Variants in ZSWIM6 observed in about 807,000 individuals in gnomAD.
ZSWIM6 encodes zinc finger SWIM domain-containing protein 6.
A neutral mutation model predicts 113.2 loss-of-function variants in ZSWIM6; 9 were observed. The observed-to-expected ratio is 0.08, with a 90% confidence interval of 0.05 to 0.14. The LOEUF (loss-of-function observed/expected upper bound fraction) is 0.14. ZSWIM6 is among the 10% of genes least tolerant of loss of function. The pLI is 1.00. For missense variants in ZSWIM6, 1,162 were observed against 1,552.2 expected, an observed-to-expected ratio of 0.75 and a Z score of 4.22; for synonymous variants, 611 against 606.5, an observed-to-expected ratio of 1.01 and a Z score of -0.11.
At chr5:61,513,021 G>A (rs1157777475) in intron 4 of ZSWIM6, among the ~76,000 whole-genome samples, 5 of 151,834 alleles carry the variant, frequency 3.3e-5, no homozygotes, top group African/African-American at 7.3e-5. Context: ...TTGGTGGTAC[G>A]CATTTGATGG....
chr5:61,478,218 G>A (rs1747758132), intron 2 of ZSWIM6, among the ~76,000 whole-genome samples: 1 of 152,126 alleles, frequency 6.6e-6, no homozygotes, highest in Admixed American at 6.6e-5. Context: ...AGTTAAAGTT[G>A]CTTTCACTAT....
chr5:61,379,413 C>T (rs140400492), intron 1 of ZSWIM6, among the ~76,000 whole-genome samples: 110 of 152,010 alleles, frequency 7.2e-4, no homozygotes, highest in African/African-American at 2.4e-3. Flanking sequence ...ATTGTCTAAA[C>T]GATTGCACTG....
chr5:61,410,686 C>T (rs149003232), intron 1 of ZSWIM6, among the ~76,000 whole-genome samples: 4 of 152,140 alleles, frequency 2.6e-5, no homozygotes, highest in African/African-American at 9.7e-5. Context: ...GTTGATAGTA[C>T]ACTTCATGCA....
Position 61,500,289 on chromosome 5 carries a change from G to T in ZSWIM6, c.1333+5879G>T, listed in dbSNP as rs1049312919. On this transcript the variant is annotated intron_variant, in intron 4 of 13. Transcript: ENST00000252744. Reference sequence around the variant, plus strand: ...CTACAGGCGCTGGTTGCCACACCTGGCTAATTTTTTGTATTTTTAGTAGAG... The same window carrying T: ...CTACAGGCGCTGGTTGCCACACCTGTCTAATTTTTTGTATTTTTAGTAGAG... Among the ~76,000 whole-genome samples, 13 of 151,942 alleles carry T rather than the reference G, an allele frequency of 8.6e-5. No individual in the cohort carries two copies. In the South Asian group the frequency reaches 1.0e-3, roughly 12 times the overall value.
In ZSWIM6 at chr5:61,538,823, A is replaced by G; in HGVS notation, c.2391A>G (p.Val797=). The change falls in exon 11 of 14, where the codon GTA becomes GTG. Residue 797 remains valine (V), a synonymous_variant. Transcript: ENST00000252744. ...KIALRAMRLL[V]LESTAPSGDL... ...TGTCTTCTCATTATAGGTTACTAGT[A>G]TTGGAATCTACTGCTCCATCAGGAG... 1 of 1,551,506 alleles carries G rather than the reference A, an allele frequency of 6.4e-7. No individual in the cohort carries two copies. The highest frequency in any genetic ancestry group is 8.7e-7 in the Non-Finnish European group (1 of 1,146,712).
intron 4 of ZSWIM6, among the ~76,000 whole-genome samples, chr5:61,516,211 T>G (rs1748935935): frequency 6.6e-6 from 1 of 151,346 alleles, no homozygotes; most frequent in South Asian, 2.1e-4. Context: ...TCATTTGTTT[T>G]TTGTTTATCC....
chr5:61,431,255 C>T (rs1746573308), intron 1 of ZSWIM6, among the ~76,000 whole-genome samples: 1 of 151,422 alleles, frequency 6.6e-6, no homozygotes. Context: ...TGCCTGTAGT[C>T]CCAGCTACTC....
chr5:61,415,666 TG>T (rs1341895364), intron 1 of ZSWIM6, among the ~76,000 whole-genome samples: 1 of 151,734 alleles, frequency 6.6e-6, no homozygotes, highest in Non-Finnish European at 1.5e-5. Context: ...ACATGGGGAC[TG>T]ATTGGCCATA....
chr5:61,545,810 T>C lies in ZSWIM6; in HGVS notation c.*1493T>C, dbSNP rs1749873074. ...TTAAATACCAACTTTGGTTACAGTA[T>C]AGTGTCTTTACTTTAGCTGATGGTT... On this transcript the variant is annotated 3_prime_UTR_variant, in exon 14 of 14. Coordinates refer to ENST00000252744, the MANE Select transcript of ZSWIM6 (RefSeq NM_020928.2). 6.6e-6 allele frequency: 1 copy of C among 152,178 alleles called. No individual in the cohort carries two copies. Among genetic ancestry groups the C allele is most frequent in the Admixed American group, 6.5e-5 (1 of 15,276 alleles). The allele number at this position is 152,178 out of a possible 1,614,324, so 9.4% of individuals were successfully genotyped here.
chr5:61,420,978 G>A (rs140172283), intron 1 of ZSWIM6, among the ~76,000 whole-genome samples: 2,481 of 151,566 alleles, frequency 0.016, 51 homozygotes, highest in African/African-American at 0.054. Flanking sequence ...GGAGTGCAGT[G>A]GTGGGGTCTT....
chr5:61,391,120 A>G (rs1211901158), intron 1 of ZSWIM6: 8 of 758,840 alleles, frequency 1.1e-5, no homozygotes, highest in Non-Finnish European at 2.0e-5. Context: ...AGTACAGGCC[A>G]CTTTGCACAG....
Position 61,541,648 on chromosome 5 carries a change from C to T in ZSWIM6, c.2704-236C>T, listed in dbSNP as rs1262257357. On this transcript the variant is annotated intron_variant, in intron 12 of 13. Transcript: ENST00000252744. ...AGATACCACATCTAGTCAGTGGGCC[C>T]ACCAGGAGGAGAATATGGGCCTCTT... Among the ~76,000 whole-genome samples the T allele has an allele frequency of 2.6e-5, 4 of 152,158 alleles. No homozygotes were observed. The East Asian group carries it at 7.7e-4, about 29-fold the overall frequency.
chr5:61,444,795 A>G (rs1746915220), intron 1 of ZSWIM6, among the ~76,000 whole-genome samples: 2 of 152,150 alleles, frequency 1.3e-5, no homozygotes, highest in African/African-American at 4.8e-5. Context: ...CCCTGGGCCT[A>G]GAGGGATTGA....
At position 61,377,395 on chromosome 5, in the gene ZSWIM6, CAAT is replaced by C. The variant is rs141210555; in HGVS notation, c.676+44450_676+44452del. 3.3e-3 allele frequency among the ~76,000 whole-genome samples: 493 copies of C among 149,266 alleles called. 1 individual carries two copies. The highest frequency in any genetic ancestry group is 5.4e-3 in the Admixed American group (82 of 15,050). ...TTTTTCTTGACATAAAACCCTGAAA[CAAT>C]AAAAAAAACAAGATTCATAAGTTAG... is the stretch of plus-strand genomic sequence containing the variant. On this transcript the variant is annotated intron_variant, in intron 1 of 13. Transcript: ENST00000252744.
chr5:61,345,977 C>T (rs1239686189), intron 1 of ZSWIM6, among the ~76,000 whole-genome samples: 1 of 152,196 alleles, frequency 6.6e-6, no homozygotes, highest in Non-Finnish European at 1.5e-5. Flanking sequence ...CAGAGTGTCG[C>T]TCTGTGGCCC....
At chr5:61,361,352 G>T (rs1406537684) in intron 1 of ZSWIM6, among the ~76,000 whole-genome samples, 2 of 152,086 alleles carry the variant, frequency 1.3e-5, no homozygotes. Flanking sequence ...CTTTCCTCTG[G>T]ATCACCTGGA....
chr5:61,410,482 G>A (rs61095445), intron 1 of ZSWIM6, among the ~76,000 whole-genome samples: 4,937 of 151,524 alleles, frequency 0.033, 251 homozygotes, highest in African/African-American at 0.11. Flanking sequence ...GCTAATTTTT[G>A]TATTTTTAGT....
In ZSWIM6 at chr5:61,380,328, G is replaced by A. The variant is rs138618563; in HGVS notation, c.676+47380G>A. On this transcript the variant is annotated intron_variant, in intron 1 of 13. Coordinates refer to ENST00000252744, the MANE Select transcript of ZSWIM6 (RefSeq NM_020928.2). ...TGACCTCAGGTGATCCGCCTGCCTC[G>A]GCCTCCCAAAGTGCTGGCATTACAG... Among the ~76,000 whole-genome samples the A allele has an allele frequency of 1.8e-4, 28 of 152,166 alleles. No homozygotes were observed. The East Asian group carries it at 4.8e-3, about 26-fold the overall frequency.
At chr5:61,467,275 A>G (rs1035254536) in intron 1 of ZSWIM6, among the ~76,000 whole-genome samples, 3 of 152,224 alleles carry the variant, frequency 2.0e-5, no homozygotes, top group African/African-American at 4.8e-5. Flanking sequence ...TCACAACATA[A>G]TATATCTTTA....
Sources: gnomAD v4.1 joint callset for allele counts (sites outside exome capture counted in the v4.1 genomes callset) on GRCh38, gnomAD v4.1.1 for gene constraint, MANE v1.5 for transcripts, NCBI Gene and HGNC (gene_info 2026-07-23, HGNC 2026-07-21) for gene names.